Variants in CSMD1 observed in about 807,000 individuals in gnomAD.
CSMD1 encodes CUB and sushi domain-containing protein 1.
Under a neutral mutation model 417.5 loss-of-function variants are expected in CSMD1, and 213 were observed. The observed-to-expected ratio is 0.51, with a 90% CI of 0.46 to 0.57. The LOEUF is 0.57. Among genes scored for constraint, CSMD1 ranks in the 20% least tolerant of loss-of-function variants. CSMD1 has a pLI of 0.00. For missense variants in CSMD1, 6,923 were observed against 4,529.7 expected (o/e 1.53, Z -15.17); for synonymous variants, 2,862 against 1,736.8 (o/e 1.65, Z -16.11).
intron 5 of CSMD1, among the ~76,000 whole-genome samples, chr8:3,788,674 T>C (rs1476320861): frequency 6.6e-6 from 1 of 152,200 alleles, no homozygotes; most frequent in Non-Finnish European, 1.5e-5. Context: ...AAAATGTAAG[T>C]ACCTCTCCAT....
intron 1 of CSMD1, among the ~76,000 whole-genome samples, chr8:4,895,213 T>C (rs1804398476): frequency 6.6e-6 from 1 of 152,166 alleles, no homozygotes; most frequent in Non-Finnish European, 1.5e-5. Flanking sequence ...AAGCTAACCA[T>C]GTACAACTAA....
chr8:4,391,150 T>A (rs1373224699), intron 3 of CSMD1, among the ~76,000 whole-genome samples: 1 of 152,158 alleles, frequency 6.6e-6, no homozygotes, highest in Non-Finnish European at 1.5e-5. Flanking sequence ...ATGCCTGTGC[T>A]CAGGCAAGTA....
chr8:3,105,065 G>A (rs909555109), intron 46 of CSMD1, among the ~76,000 whole-genome samples: 1 of 152,342 alleles, frequency 6.6e-6, no homozygotes, highest in East Asian at 1.9e-4. Context: ...AAACCACTGC[G>A]AAGTCGATAC....
At chr8:4,573,237 T>G (rs1798970641) in intron 2 of CSMD1, among the ~76,000 whole-genome samples, 1 of 152,204 alleles carries the variant, frequency 6.6e-6, no homozygotes, top group South Asian at 2.1e-4. Context: ...TGTGCTGGTT[T>G]TTCCTCATCT....
At position 3,155,821 on chromosome 8, in the gene CSMD1, C is replaced by A. The variant is rs1241339074; in HGVS notation, c.5914+2076G>T. 2.0e-5 allele frequency among the ~76,000 whole-genome samples: 3 copies of A among 152,292 alleles called. No individual in the cohort carries two copies. In the East Asian group the frequency reaches 5.8e-4, roughly 29 times the overall value. ...TTGTAAGCAACTATGATGTAGTGAA[C>A]ATAACATAAACAGACGTTCTCTCCT... On this transcript the variant is annotated intron_variant, in intron 39 of 69. Coordinates refer to ENST00000635120, the MANE Select transcript of CSMD1 (RefSeq NM_033225.6).
At chr8:3,678,190 T>C (rs902157240) in intron 7 of CSMD1, among the ~76,000 whole-genome samples, 42 of 152,156 alleles carry the variant, frequency 2.8e-4, no homozygotes, top group Non-Finnish European at 4.3e-4. Context: ...GGACGGAGAA[T>C]GACTTTGATG....
At chr8:4,654,206 T>C (rs144169509) in intron 1 of CSMD1, among the ~76,000 whole-genome samples, 3,111 of 152,242 alleles carry the variant, frequency 0.02, 57 homozygotes, top group Middle Eastern at 0.031. Context: ...AGTCTGGATC[T>C]AGTAATCTCA....
intron 12 of CSMD1, among the ~76,000 whole-genome samples, chr8:3,430,622 A>T (rs1347619034): frequency 5.9e-5 from 9 of 152,076 alleles, no homozygotes; most frequent in Non-Finnish European, 1.3e-4. Context: ...GCCTGTCCAA[A>T]ATGGTGAAAC....
At chr8:4,140,754 C>A (rs1239921665) in intron 3 of CSMD1, among the ~76,000 whole-genome samples, 1 of 150,906 alleles carries the variant, frequency 6.6e-6, no homozygotes, top group African/African-American at 2.5e-5. Flanking sequence ...GTATCTTCAT[C>A]TCCTCCCCTC....
At chr8:3,366,396 G>C (rs576939660) in intron 20 of CSMD1, among the ~76,000 whole-genome samples, 4 of 152,214 alleles carry the variant, frequency 2.6e-5, no homozygotes, top group East Asian at 1.9e-4. Flanking sequence ...GAAAAAATTA[G>C]CATCTCTGTC....
chr8:3,162,136 C>T, intron 38 of CSMD1, 23 bp downstream of exon 38: 1 of 1,452,512 alleles, frequency 6.9e-7, no homozygotes, highest in South Asian at 1.2e-5. Context: ...TATGTTATTC[C>T]TGAGCACTGA....
At chr8:2,979,335 C>T (rs758736011) in intron 54 of CSMD1, among the ~76,000 whole-genome samples, 3 of 152,234 alleles carry the variant, frequency 2.0e-5, no homozygotes, top group Non-Finnish European at 4.4e-5. Context: ...TCAAGCCAGC[C>T]TCTGACTTAG....
At chr8:3,754,586 C>G (rs1396494684) in intron 5 of CSMD1, among the ~76,000 whole-genome samples, 1 of 152,148 alleles carries the variant, frequency 6.6e-6, no homozygotes, top group Admixed American at 6.5e-5. Flanking sequence ...TCCTGAGTAG[C>G]TGGGATTACA....
At chr8:3,975,123 C>A (rs146263627) in intron 5 of CSMD1, among the ~76,000 whole-genome samples, 2 of 152,288 alleles carry the variant, frequency 1.3e-5, no homozygotes, top group Admixed American at 6.5e-5. Context: ...AACCACTATG[C>A]ATGTTTCCAT....
At chr8:3,459,697 T>C (rs1195346299) in intron 12 of CSMD1, among the ~76,000 whole-genome samples, 4 of 152,020 alleles carry the variant, frequency 2.6e-5, no homozygotes, top group Non-Finnish European at 2.9e-5. Flanking sequence ...ACTTCAGGAA[T>C]TGGGTTCCGA....
chr8:4,198,862 C>A (rs574600274), intron 3 of CSMD1, among the ~76,000 whole-genome samples: 1 of 152,076 alleles, frequency 6.6e-6, no homozygotes, highest in African/African-American at 2.4e-5. Flanking sequence ...AACAATATCA[C>A]GTATTTCCCC....
chr8:3,659,330 A>G (rs1380164203), intron 7 of CSMD1, among the ~76,000 whole-genome samples: 1 of 152,174 alleles, frequency 6.6e-6, no homozygotes, highest in African/African-American at 2.4e-5. Context: ...CAAAGAAACA[A>G]ATTTTCATTT....
chr8:3,906,558 A>G (rs1808124522), intron 5 of CSMD1, among the ~76,000 whole-genome samples: 1 of 152,056 alleles, frequency 6.6e-6, no homozygotes, highest in South Asian at 2.1e-4. Context: ...AGGCAGAAAT[A>G]TAAGCTGTAC....
intron 5 of CSMD1, among the ~76,000 whole-genome samples, chr8:3,814,830 A>G (rs947760125): frequency 3.3e-5 from 5 of 152,200 alleles, no homozygotes; most frequent in Non-Finnish European, 5.9e-5. Flanking sequence ...CTCCAGTACC[A>G]TGAAGAAGCG....
Sources: allele counts gnomAD v4.1 joint callset (sites outside exome capture counted in the v4.1 genomes callset), GRCh38; gene constraint gnomAD v4.1.1; transcripts MANE v1.5; gene names NCBI Gene and HGNC (gene_info 2026-07-23, HGNC 2026-07-21).